SELENOI: variants seen among roughly 807,000 people sequenced by gnomAD.
SELENOI encodes selenoprotein I, also known as ethanolaminephosphotransferase 1.
In SELENOI, 24 loss-of-function variants were observed where a neutral mutation model predicts 50.7. The observed-to-expected ratio is 0.47, with a 90% CI of 0.34 to 0.67. The LOEUF (loss-of-function observed/expected upper bound fraction) is 0.67, where lower values mean the gene tolerates loss of function less well. Ranked by LOEUF, SELENOI falls within the 30% of genes least tolerant of loss-of-function variation. SELENOI has a pLI of 0.01. For missense variants in SELENOI, 352 were observed against 461.4 expected (o/e 0.76, Z 2.17); for synonymous variants, 155 against 170.2 (o/e 0.91, Z 0.70).
intron 6 of SELENOI, among the ~76,000 whole-genome samples, chr2:26,382,794 C>T (rs114576032): frequency 1.8e-3 from 274 of 151,800 alleles, no homozygotes; most frequent in Non-Finnish European, 2.8e-3. Context: ...AGTTCGTGAC[C>T]AGCCTGGAAT....
intron 6 of SELENOI, among the ~76,000 whole-genome samples, chr2:26,380,084 C>T (rs1677653201): frequency 6.6e-6 from 1 of 152,180 alleles, no homozygotes; most frequent in Non-Finnish European, 1.5e-5. Flanking sequence ...TGGATTTATA[C>T]ATCTAGGTTT....
chr2:26,370,180 G>A (rs1677384870), intron 4 of SELENOI, among the ~76,000 whole-genome samples: 1 of 151,596 alleles, frequency 6.6e-6, no homozygotes, highest in African/African-American at 2.4e-5. Flanking sequence ...TGGGGGTAAG[G>A]TCACAGATCA....
chr2:26,350,352 T>C (rs559584310), intron 1 of SELENOI, among the ~76,000 whole-genome samples: 23 of 152,188 alleles, frequency 1.5e-4, no homozygotes, highest in Non-Finnish European at 2.9e-4. Flanking sequence ...TCATAAAAAA[T>C]TATTTTCATT....
rs529120685 is a variant in SELENOI, at chr2:26,351,482, A to G, written c.57+5193A>G. ...TGCCTTTGCACCATCGTAAAGTTGA[A>G]AAATTACGAGTGAAACTGTCATAAA... On this transcript the variant is annotated intron_variant, in intron 1 of 9. Coordinates refer to ENST00000260585, the MANE Select transcript of SELENOI (RefSeq NM_033505.4). Among the ~76,000 whole-genome samples the G allele has an allele frequency of 2.4e-4, 37 of 152,372 alleles. 1 individual carries two copies. Among genetic ancestry groups the G allele is most frequent in the South Asian group, 1.2e-3 (6 of 4,832 alleles).
chr2:26,365,168 G>A (rs1463645854), intron 3 of SELENOI, among the ~76,000 whole-genome samples: 3 of 152,130 alleles, frequency 2.0e-5, no homozygotes, highest in Admixed American at 6.5e-5. Context: ...TCAAAACTTT[G>A]CCTAAAAATG....
chr2:26,375,054 C>A lies in SELENOI; in HGVS notation c.588C>A (p.Val196=). 6.2e-7 allele frequency: 1 copy of A among 1,612,084 alleles called. No individual in the cohort carries two copies. The highest frequency in any genetic ancestry group is 1.1e-5 in the South Asian group (1 of 90,988). The change falls in exon 6 of 10, where the codon GTC becomes GTA. Residue 196 remains valine (V), a synonymous_variant. Transcript: ENST00000260585. ...YDISQVTISF[V]YIVTAVVGVE... ...TTTCCTTCCAGACTATTTCTTTTGT[C>A]TACATAGTGACTGCAGTTGTGGGAG...
chr2:26,379,388 T>A (rs1677635872), intron 6 of SELENOI, among the ~76,000 whole-genome samples: 1 of 152,196 alleles, frequency 6.6e-6, no homozygotes, highest in African/African-American at 2.4e-5. Context: ...TGCGTTTTCC[T>A]GGTTGCGGTC....
intron 1 of SELENOI, among the ~76,000 whole-genome samples, chr2:26,350,977 A>G (rs992187047): frequency 6.6e-6 from 1 of 152,108 alleles, no homozygotes; most frequent in Admixed American, 6.6e-5. Flanking sequence ...TGTGCTCAGA[A>G]CACTTAGATT....
intron 4 of SELENOI, among the ~76,000 whole-genome samples, chr2:26,371,015 C>T (rs1467438627): frequency 7.0e-6 from 1 of 143,588 alleles, no homozygotes; most frequent in African/African-American, 2.6e-5. Context: ...GGGCGGCTGG[C>T]CAGGCAGAGG....
intron 1 of SELENOI, among the ~76,000 whole-genome samples, chr2:26,358,889 T>C (rs1677118312): frequency 6.6e-6 from 1 of 152,176 alleles, no homozygotes; most frequent in African/African-American, 2.4e-5. Context: ...TTGAGCAGCA[T>C]AAGTTATCAA....
intron 1 of SELENOI, among the ~76,000 whole-genome samples, chr2:26,363,561 T>C (rs1425064062): frequency 6.6e-6 from 1 of 152,198 alleles, no homozygotes; most frequent in Admixed American, 6.5e-5. Context: ...TCAGTGATTA[T>C]CTTGGCGATT....
chr2:26,349,932 C>CAAAAA (rs70950184), intron 1 of SELENOI, among the ~76,000 whole-genome samples: 8 of 55,280 alleles, frequency 1.4e-4, no homozygotes, highest in African/African-American at 3.3e-4. Flanking sequence ...CTCATCTCCA[C>CAAAAA]AAAAAAAAAA....
intron 7 of SELENOI, 143 bp downstream of exon 7, chr2:26,383,490 G>A (rs1677752812): frequency 1.7e-6 from 1 of 597,550 alleles, no homozygotes; most frequent in South Asian, 2.0e-5. Context: ...TAATGGGGTA[G>A]GATAGTTTAG....
chr2:26,370,943 T>C (rs1304544760), intron 4 of SELENOI, among the ~76,000 whole-genome samples: 1 of 67,758 alleles, frequency 1.5e-5, no homozygotes, highest in Non-Finnish European at 3.1e-5. Context: ...CCCCCCCACC[T>C]CCCTCCCGGA....
chr2:26,359,244 G>A (rs752652499), intron 1 of SELENOI, among the ~76,000 whole-genome samples: 44 of 152,236 alleles, frequency 2.9e-4, no homozygotes, highest in African/African-American at 1.0e-3. Flanking sequence ...CCTAGATAAC[G>A]AAGGAGACTG....
rs1406144320 is a variant in SELENOI at position 26,390,525 on chromosome 2, T to G, written c.*1422T>G. On this transcript the variant is annotated 3_prime_UTR_variant, in exon 10 of 10. Transcript: ENST00000260585. ...ATTTAATTATAGTGTATTTCTTTCT[T>G]GAATTTCAGTCTGCTGCTTTGTAAA... 6.5e-6 allele frequency: 1 copy of G among 152,676 alleles called. No homozygotes were observed. Among genetic ancestry groups the G allele is most frequent in the African/African-American group, 2.4e-5 (1 of 41,462 alleles). 9.5% of individuals were successfully genotyped at this position (152,676 alleles called of 1,614,324 possible).
intron 1 of SELENOI, among the ~76,000 whole-genome samples, chr2:26,348,846 T>C (rs1676883024): frequency 6.6e-6 from 1 of 152,028 alleles, no homozygotes; most frequent in Non-Finnish European, 1.5e-5. Context: ...TGTCTGGATA[T>C]TGAAAGGGTG....
At chr2:26,359,019 G>T (rs982219262) in intron 1 of SELENOI, among the ~76,000 whole-genome samples, 1 of 152,136 alleles carries the variant, frequency 6.6e-6, no homozygotes, top group African/African-American at 2.4e-5. Context: ...TGAAGCAGGG[G>T]TTGTCAAACT....
At chr2:26,366,750 G>C (rs1240358003) in intron 3 of SELENOI, among the ~76,000 whole-genome samples, 2 of 152,162 alleles carry the variant, frequency 1.3e-5, no homozygotes, top group African/African-American at 4.8e-5. Flanking sequence ...CTAATTAATA[G>C]TATAGGAAAG....
Sources: gnomAD v4.1 joint callset for allele counts (sites outside exome capture counted in the v4.1 genomes callset) on GRCh38, gnomAD v4.1.1 for gene constraint, MANE v1.5 for transcripts, NCBI Gene and HGNC (gene_info 2026-07-23, HGNC 2026-07-21) for gene names.